Variants in CLEC12A observed in about 807,000 individuals in gnomAD.
CLEC12A encodes the protein C-type lectin protein CLL-1.
In CLEC12A, 22 loss-of-function variants were observed where a neutral mutation model predicts 26.5. The ratio of observed to expected loss-of-function variants is 0.83; its 90% CI spans 0.59 to 1.19. The LOEUF is 1.19. Ranked by LOEUF, CLEC12A falls within the 50% of genes most tolerant of loss-of-function variation. The probability of loss-of-function intolerance (pLI) is 0.00; values close to 1 mark genes in which losing one functional copy is unlikely to be tolerated. For synonymous variants in CLEC12A, 119 were observed against 101.9 expected (o/e 1.17, Z -1.01); for missense variants, 353 against 315.6 (o/e 1.12, Z -0.90).
At chr12:9,952,211 C>T (rs955595873) in intron 1 of CLEC12A, 6 of 131,158 alleles carry the variant, frequency 4.6e-5, no homozygotes, top group African/African-American at 1.7e-4. Flanking sequence ...CTCTCCCTCT[C>T]CCCACGGTCT....
downstream of CLEC12A, chr12:9,999,311 A>C (rs748661386): frequency 1.0e-5 from 4 of 400,512 alleles, no homozygotes; most frequent in Non-Finnish European, 1.8e-5. Flanking sequence ...CTTGAACACA[A>C]AAACACAAAA....
At chr12:9,990,959 A>T (rs1012029251) in intron 4 of CLEC12A, 1 of 152,228 alleles carries the variant, frequency 6.6e-6, no homozygotes, top group African/African-American at 2.4e-5. Context: ...ATTTTTAGCA[A>T]TAAACTATTT....
intron 1 of CLEC12A, among the ~76,000 whole-genome samples, chr12:9,957,720 G>A (rs549276700): frequency 6.6e-6 from 1 of 152,124 alleles, no homozygotes; most frequent in African/African-American, 2.4e-5. Flanking sequence ...ATGAGCAGAG[G>A]GTTGACTTCA....
chr12:9,980,581 G>A lies in CLEC12A; in HGVS notation c.380-1G>A. ...CAAATAAAACTATGTTCTTCTTCCAGAGCACAAATGTAAGCCTTGTCCAAG... is the reference window on the plus strand; with the variant it reads ...CAAATAAAACTATGTTCTTCTTCCAAAGCACAAATGTAAGCCTTGTCCAAG... On this transcript the variant is annotated splice_acceptor_variant, in intron 3 of 5. Transcript: ENST00000304361. LOFTEE classifies it high-confidence loss of function. 6.2e-7 allele frequency: 1 copy of A among 1,610,566 alleles called. No individual in the cohort carries two copies. Among genetic ancestry groups the A allele is most frequent in the Non-Finnish European group, 8.5e-7 (1 of 1,178,650 alleles).
At chr12:9,993,026 A>T in intron 4 of CLEC12A, 2 of 894,302 alleles carry the variant, frequency 2.2e-6, no homozygotes, top group Non-Finnish European at 3.4e-6. Flanking sequence ...AATATTAAAA[A>T]TAACTCCAGT....
chr12:9,962,482 G>A (rs1863850295), intron 1 of CLEC12A, among the ~76,000 whole-genome samples: 2 of 152,104 alleles, frequency 1.3e-5, no homozygotes, highest in African/African-American at 2.4e-5. Flanking sequence ...CTTTGTGTGA[G>A]CAACAAGGCT....
intron 1 of CLEC12A, among the ~76,000 whole-genome samples, chr12:9,954,749 G>A (rs557801466): frequency 7.9e-5 from 12 of 152,130 alleles, no homozygotes; most frequent in African/African-American, 2.2e-4. Context: ...ATTAAAAAGC[G>A]TTCATAAATT....
Position 9,980,492 on chromosome 12 carries a change from T to C in CLEC12A, c.380-90T>C, listed in dbSNP as rs886072277. 3.3e-5 allele frequency: 41 copies of C among 1,241,942 alleles called. No homozygotes were observed. The African/African-American group carries it at 5.7e-4, about 17-fold the overall frequency. The allele number at this position is 1,241,942 out of a possible 1,614,324, so 76.9% of individuals were successfully genotyped here. On this transcript the variant is annotated intron_variant, in intron 3 of 5. Coordinates refer to ENST00000304361, the MANE Select transcript of CLEC12A (RefSeq NM_138337.6). ...AAAAGAAAGAAGAATAAACAGCAAA[T>C]GTGATCAATGTCACACAGAGAGGAA...
chr12:9,958,034 C>A (rs553258837), intron 1 of CLEC12A, among the ~76,000 whole-genome samples: 2 of 152,182 alleles, frequency 1.3e-5, no homozygotes, highest in African/African-American at 4.8e-5. Flanking sequence ...TGCCAGGAAA[C>A]CAGAAAGTAC....
chr12:9,954,062 A>G (rs1449272117), intron 1 of CLEC12A, among the ~76,000 whole-genome samples: 2 of 148,546 alleles, frequency 1.3e-5, no homozygotes, highest in Admixed American at 6.7e-5. Context: ...AATCAGGGAC[A>G]CAAACACTGC....
the CLEC12A span, among the ~76,000 whole-genome samples, chr12:10,001,286 G>A: frequency 1.3e-5 from 2 of 152,200 alleles, no homozygotes; most frequent in Non-Finnish European, 2.9e-5. Context: ...GCCAGGATTA[G>A]TTCTTGATCC....
chr12:9,974,768 C>T (rs1055522531), intron 1 of CLEC12A, among the ~76,000 whole-genome samples: 7 of 152,028 alleles, frequency 4.6e-5, no homozygotes, highest in African/African-American at 7.2e-5. Context: ...ATAATTTTCC[C>T]GAGGTTTCAC....
At chr12:9,969,795 AC>A (rs1864061615), upstream of CLEC12A, among the ~76,000 whole-genome samples, 1 of 152,218 alleles carries the variant, frequency 6.6e-6, no homozygotes, top group Non-Finnish European at 1.5e-5. Flanking sequence ...ACTCTTTCCC[AC>A]CAGGAGAGGC....
downstream of CLEC12A, among the ~76,000 whole-genome samples, chr12:9,989,914 A>G (rs1864854860): frequency 6.6e-6 from 1 of 152,176 alleles, no homozygotes; most frequent in Non-Finnish European, 1.5e-5. Flanking sequence ...GGACCTTAAT[A>G]ATTATGCTAA....
At chr12:9,973,369 A>T (rs1269984316) in intron 1 of CLEC12A, among the ~76,000 whole-genome samples, 2 of 152,138 alleles carry the variant, frequency 1.3e-5, no homozygotes, top group African/African-American at 4.8e-5. Context: ...AAAGAGGATT[A>T]CTTGAGTCCA....
At chr12:9,980,834 G>A (rs1455013187) in intron 4 of CLEC12A, 101 bp downstream of exon 4, 2 of 1,268,234 alleles carry the variant, frequency 1.6e-6, no homozygotes, top group Non-Finnish European at 2.2e-6. Context: ...ATTTCAGTTG[G>A]GGTGTGAAGT....
At chr12:10,002,147 C>T in the CLEC12A span, among the ~76,000 whole-genome samples, 1 of 152,088 alleles carries the variant, frequency 6.6e-6, no homozygotes, top group Non-Finnish European at 1.5e-5. Flanking sequence ...TCCCAAAGTG[C>T]TGGGATTACA....
rs1365992977 is a variant in CLEC12A, at chr12:9,984,900, CAT to C, written c.673_674del (p.Met225ValfsTer7). ...TAAGAAACGCACCTGACTTAAATAA[CAT>C]GTATTGTGGATATATAAATAGACTA... Reference protein sequence around the residue: ...VIRNAPDLNNMYCGYINRLYV... With the variant: ...VIRNAPDLNNXYCGYINRLYV... On this transcript the variant is annotated frameshift_variant, in exon 6 of 6. Transcript: ENST00000304361. LOFTEE classifies it low-confidence loss of function (END_TRUNC). 5 of 1,557,516 alleles carry C rather than the reference CAT, an allele frequency of 3.2e-6. No individual in the cohort carries two copies. The highest frequency in any genetic ancestry group is 3.5e-6 in the Non-Finnish European group (4 of 1,152,480).
the CLEC12A span, among the ~76,000 whole-genome samples, chr12:10,001,727 C>T: frequency 2.0e-5 from 3 of 152,118 alleles, no homozygotes; most frequent in African/African-American, 4.8e-5. Context: ...TTTCCTTTTC[C>T]CAAATCCAGA....
Sources: allele counts gnomAD v4.1 joint callset (sites outside exome capture counted in the v4.1 genomes callset), GRCh38; gene constraint gnomAD v4.1.1; transcripts MANE v1.5; gene names NCBI Gene and HGNC (gene_info 2026-07-23, HGNC 2026-07-21).